ERBB3: variants seen among roughly 807,000 people sequenced by gnomAD.
ERBB3 encodes erb-b2 receptor tyrosine kinase 3, also known as receptor tyrosine-protein kinase erbB-3.
ERBB3 carries 96 observed loss-of-function variants against 156.7 expected under a neutral mutation model. The ratio of observed to expected loss-of-function variants is 0.61; its 90% CI spans 0.52 to 0.73. The LOEUF (loss-of-function observed/expected upper bound fraction) is 0.73, where lower values mean the gene tolerates loss of function less well. Ranked by LOEUF, ERBB3 falls within the 30% of genes least tolerant of loss-of-function variation. The pLI is 0.00. For synonymous variants in ERBB3, 567 were observed against 632.0 expected (o/e 0.90, Z 1.54); for missense variants, 1,406 against 1,709.4 (o/e 0.82, Z 3.13).
intron 2 of ERBB3, 144 bp from the exon 3 acceptor site, chr12:56,084,851 A>C: frequency 7.1e-7 from 1 of 1,410,186 alleles, no homozygotes; most frequent in South Asian, 1.3e-5. Flanking sequence ...TCCGTCTCAA[A>C]TTTTAAAAAA....
At chr12:56,092,962 A>G (rs745926358) in intron 10 of ERBB3, 24 bp from the exon 11 acceptor site, 1 of 1,598,784 alleles carries the variant, frequency 6.3e-7, no homozygotes, top group South Asian at 1.1e-5. Context: ...CTCCCTGCCC[A>G]TATGCCTCTC....
chr12:56,093,309 G>A, intron 11 of ERBB3, 36 bp from the exon 12 acceptor site: 1 of 1,555,980 alleles, frequency 6.4e-7, no homozygotes, highest in Non-Finnish European at 8.9e-7. Flanking sequence ...TGTTCCCTTA[G>A]TAGTCTCTCC....
In ERBB3 at chr12:56,095,756, C is replaced by T. The variant is rs200724560; in HGVS notation, c.2005C>T (p.Arg669Cys). The T allele has an allele frequency of 5.6e-6, 9 of 1,614,126 alleles. No individual in the cohort carries two copies. Among genetic ancestry groups the T allele is most frequent in the South Asian group, 1.1e-5 (1 of 91,072 alleles). ...CGGCACTTTTCTCTACTGGCGTGGGCGCCGGATTCAGAATAAAAGGGCTAT... is the reference window on the plus strand; with the variant it reads ...CGGCACTTTTCTCTACTGGCGTGGGTGCCGGATTCAGAATAAAAGGGCTAT... ...LGGTFLYWRG[R>C]RIQNKRAMRR... The change falls in exon 17 of 28, where the codon CGC (arginine) becomes TGC (cysteine). Residue 669 changes from arginine (R) to cysteine (C), a missense_variant. Physicochemically the swap from Arg to Cys is radical, Grantham distance 180 (BLOSUM62 -3). Around this residue, in one of 3 missense-constraint regions of ERBB3, gnomAD observed 979 missense variants for 1,219.6 expected, o/e 0.80. Transcript: ENST00000267101.
intron 9 of ERBB3, among the ~76,000 whole-genome samples, chr12:56,091,194 C>T (rs1031851874): frequency 2.8e-5 from 4 of 142,450 alleles, no homozygotes; most frequent in Admixed American, 1.5e-4. Context: ...CTCTGCCTCC[C>T]GTGCTCAAGC....
At chr12:56,094,075 C>G (rs377036506) in intron 13 of ERBB3, 24 bp from the exon 14 acceptor site, 18 of 1,595,578 alleles carry the variant, frequency 1.1e-5, no homozygotes, top group Non-Finnish European at 1.4e-5. Context: ...AGTGACCCCC[C>G]CCTCCCTTTA....
intron 3 of ERBB3, among the ~76,000 whole-genome samples, chr12:56,085,924 C>A (rs1177136615): frequency 2.0e-5 from 3 of 151,808 alleles, no homozygotes; most frequent in Non-Finnish European, 4.4e-5. Context: ...AAAAAATTAG[C>A]CAGGTGTGGT....
At chr12:56,098,427 A>T (rs1428609393) in intron 21 of ERBB3, 73 bp from the exon 22 acceptor site, 13 of 1,160,786 alleles carry the variant, frequency 1.1e-5, no homozygotes, top group Non-Finnish European at 1.5e-5. Context: ...AAAAAAAAAA[A>T]GAATTTGGGA....
chr12:56,081,194 G>A (rs1868349152), intron 1 of ERBB3, among the ~76,000 whole-genome samples: 1 of 152,202 alleles, frequency 6.6e-6, no homozygotes, highest in African/African-American at 2.4e-5. Flanking sequence ...TCCTGCCTTG[G>A]GGAGTCCTTC....
In ERBB3 at chr12:56,101,731, G is replaced by A; in HGVS notation, c.3705G>A (p.Leu1235=). ...TGGGGTCAGACCTCAGTGCCTCTCT[G>A]GGCAGCACACAGAGTTGCCCACTCC... ...MDVGSDLSAS[L]GSTQSCPLHP... The change falls in exon 28 of 28, where the codon CTG becomes CTA. Residue 1235 remains leucine (L), a synonymous_variant. Coordinates refer to ENST00000267101, the MANE Select transcript of ERBB3 (RefSeq NM_001982.4). 6.2e-7 allele frequency: 1 copy of A among 1,613,846 alleles called. No individual in the cohort carries two copies. The highest frequency in any genetic ancestry group is 8.5e-7 in the Non-Finnish European group (1 of 1,179,970).
intron 4 of ERBB3, 28 bp downstream of exon 4, chr12:56,086,684 C>T: frequency 6.2e-7 from 1 of 1,613,376 alleles, no homozygotes; most frequent in East Asian, 2.2e-5. Context: ...AGATTGCTCC[C>T]CAGTCCCACC....
rs1474384374 is a variant in ERBB3, at chr12:56,097,380, C to T, written c.2460+150C>T. ...GTCCATGGCCTGTTAGGAACCAGGC[C>T]ACAGAGCATGTGAGCGGCAGGCAAG... On this transcript the variant is annotated intron_variant, in intron 20 of 27. Coordinates refer to ENST00000267101, the MANE Select transcript of ERBB3 (RefSeq NM_001982.4). 1.3e-5 allele frequency: 10 copies of T among 762,208 alleles called. No individual in the cohort carries two copies. The East Asian group carries it at 2.4e-4, about 18-fold the overall frequency. The allele number at this position is 762,208 out of a possible 1,614,324, so 47.2% of individuals were successfully genotyped here. A position where few individuals can be genotyped will look rare whatever the true frequency, so the allele number is the denominator to read the frequency against.
rs1368625579 is a variant in ERBB3, at chr12:56,087,745, A to C, written c.614-50A>C. 3.1e-6 allele frequency: 5 copies of C among 1,591,538 alleles called. No homozygotes were observed. In the East Asian group the frequency reaches 1.1e-4, roughly 36 times the overall value. Reference sequence around the variant, plus strand: ...TGGGGGAGGCATGAGCAGTGGCCTCAGAATTCAGTCCTAGGAGCCCTAACA... The same window carrying C: ...TGGGGGAGGCATGAGCAGTGGCCTCCGAATTCAGTCCTAGGAGCCCTAACA... On this transcript the variant is annotated intron_variant, in intron 5 of 27. Transcript: ENST00000267101.
rs766782872 is a variant in ERBB3, at chr12:56,093,557, G to A, written c.1480+7G>A. 2.1e-5 allele frequency: 34 copies of A among 1,608,544 alleles called. No individual in the cohort carries two copies. The highest frequency in any genetic ancestry group is 2.9e-5 in the Non-Finnish European group (34 of 1,178,950). On this transcript the variant is annotated splice_region_variant and intron_variant, in intron 12 of 27. Transcript: ENST00000267101. Reference sequence around the variant, plus strand: ...CGGCCGCGCAGAGACTGCGGTGAGGGAAAGGGTCTGCTAGGTGGTGAGAAT... The same window carrying A: ...CGGCCGCGCAGAGACTGCGGTGAGGAAAAGGGTCTGCTAGGTGGTGAGAAT...
rs796590086 is a variant in ERBB3 at position 56,091,411 on chromosome 12, T to TATA, written c.1110-1336_1110-1335insATA. On this transcript the variant is annotated intron_variant, in intron 9 of 27. Coordinates refer to ENST00000267101, the MANE Select transcript of ERBB3 (RefSeq NM_001982.4). Reference sequence around the variant, plus strand: ...ATATGTGTGTGTATATATATATATATTTTTTTTTTTTTTTGAGACGGAGTC... The same window carrying TATA: ...ATATGTGTGTGTATATATATATATATATATTTTTTTTTTTTTTGAGACGGAGTC... Among the ~76,000 whole-genome samples the TATA allele has an allele frequency of 5.6e-4, 35 of 62,852 alleles. 1 individual carries two copies. The highest frequency in any genetic ancestry group is 6.7e-4 in the Non-Finnish European group (23 of 34,170). 41.2% of individuals were successfully genotyped at this position (62,852 alleles called of 152,430 possible).
rs374643843 is a variant in ERBB3, at chr12:56,086,605, A to G, written c.496A>G (p.Ile166Val). The change falls in exon 4 of 28, where the codon ATC (isoleucine) becomes GTC (valine). Residue 166 changes from isoleucine to valine, a missense_variant. Ile to Val is a conservative substitution (Grantham distance 29). Around this residue, in one of 3 missense-constraint regions of ERBB3, gnomAD observed 979 missense variants for 1,219.6 expected, o/e 0.80. Coordinates refer to ENST00000267101, the MANE Select transcript of ERBB3 (RefSeq NM_001982.4). ...CATGGACACAATTGACTGGAGGGAC[A>G]TCGTGAGGGACCGAGATGCTGAGAT... ...CHMDTIDWRD[I>V]VRDRDAEIVV... 2 of 1,614,056 alleles carry G rather than the reference A, an allele frequency of 1.2e-6. No homozygotes were observed. The highest frequency in any genetic ancestry group is 2.2e-5 in the East Asian group (1 of 44,898).
At chr12:56,084,052 G>A (rs915658409) in intron 2 of ERBB3, 150 bp downstream of exon 2, 1 of 823,782 alleles carries the variant, frequency 1.2e-6, no homozygotes, top group Non-Finnish European at 2.0e-6. Context: ...TATGGGGACA[G>A]TGGCTGTCAT....
rs1324041722 is a variant in ERBB3, at chr12:56,101,583, T to G, written c.3557T>G (p.Leu1186Arg). The change falls in exon 28 of 28, where the codon CTG becomes CGG. Residue 1186 changes from leucine to arginine, a missense_variant. Leu to Arg is a moderately radical substitution (Grantham distance 102). Around this residue, in one of 3 missense-constraint regions of ERBB3, gnomAD observed 415 missense variants for 454.1 expected, o/e 0.91. Coordinates refer to ENST00000267101, the MANE Select transcript of ERBB3 (RefSeq NM_001982.4). Reference sequence around the variant, plus strand: ...TCTTCAGTGGGTCTCAGTTCTGTCCTGGGTACTGAAGAAGAAGATGAAGAT... The same window carrying G: ...TCTTCAGTGGGTCTCAGTTCTGTCCGGGGTACTGAAGAAGAAGATGAAGAT... ...TLSSVGLSSV[L>R]GTEEEDEDEE... 1.2e-6 allele frequency: 2 copies of G among 1,613,912 alleles called. No homozygotes were observed. Among genetic ancestry groups the G allele is most frequent in the African/African-American group, 2.7e-5 (2 of 74,876 alleles).
chr12:56,098,220 C>T (rs924696983), intron 21 of ERBB3: 125 of 544,708 alleles, frequency 2.3e-4, no homozygotes, highest in Admixed American at 4.1e-4. Flanking sequence ...CTGGCTAGCA[C>T]GGTGAAACCC....
chr12:56,100,056 C>T, intron 25 of ERBB3, 27 bp downstream of exon 25: 2 of 1,610,050 alleles, frequency 1.2e-6, no homozygotes, highest in South Asian at 1.1e-5. Context: ...TTACCCAACA[C>T]TTTGCACCCT....
Sources: allele counts gnomAD v4.1 joint callset (sites outside exome capture counted in the v4.1 genomes callset), GRCh38; gene constraint gnomAD v4.1.1; regional missense constraint gnomAD v4.1.1; transcripts MANE v1.5; gene names NCBI Gene and HGNC (gene_info 2026-07-23, HGNC 2026-07-21).